The following ATP11A variants were observed in gnomAD, a reference collection of about 807,000 sequenced individuals.
The protein encoded by ATP11A is phospholipid-transporting ATPase IH.
A neutral mutation model predicts 154.4 loss-of-function variants in ATP11A; 81 were observed. That is an observed-to-expected ratio of 0.52 (90% confidence interval 0.44 to 0.63). The LOEUF (loss-of-function observed/expected upper bound fraction) is 0.63, where lower values mean the gene tolerates loss of function less well. ATP11A is among the 30% of genes least tolerant of loss of function. The pLI is 0.00. For missense variants in ATP11A, 1,316 were observed against 1,474.3 expected, an observed-to-expected ratio of 0.89 and a Z score of 1.76; for synonymous variants, 623 against 585.9, an observed-to-expected ratio of 1.06 and a Z score of -0.91.
At chr13:112,878,467 A>G (rs2080795830) in intron 29 of ATP11A, 164 bp downstream of exon 29, 3 of 660,802 alleles carry the variant, frequency 4.5e-6, no homozygotes, top group African/African-American at 1.8e-5. Flanking sequence ...ACACCTTCTC[A>G]TGCACAGACT....
At position 112,867,205 on chromosome 13, in the gene ATP11A, C is replaced by CCT. The variant is rs540117972; in HGVS notation, c.2992-4529_2992-4528dup. Among the ~76,000 whole-genome samples the CCT allele has an allele frequency of 4.4e-3, 668 of 152,308 alleles. 5 individuals carry two copies. Among genetic ancestry groups the CCT allele is most frequent in the Non-Finnish European group, 7.9e-3 (535 of 68,024 alleles). ...CACCACCCTGGTTCACTACAACCAC[C>CCT]CTATCAGCTGGACGTTCAGATCATG... On this transcript the variant is annotated intron_variant, in intron 25 of 29. Transcript: ENST00000375645.
At chr13:112,826,208 C>T (rs753350194) in intron 11 of ATP11A, among the ~76,000 whole-genome samples, 150 of 152,334 alleles carry the variant, frequency 9.8e-4, no homozygotes, top group Non-Finnish European at 1.8e-3. Context: ...CCGTCCAGAG[C>T]GGGGCTATCT....
chr13:112,842,506 G>A (rs1425227780), intron 17 of ATP11A, 127 bp downstream of exon 17: 1 of 809,058 alleles, frequency 1.2e-6, no homozygotes, highest in Non-Finnish European at 2.0e-6. Flanking sequence ...TTAGAAATCA[G>A]CTGGGCCAGA....
intron 1 of ATP11A, among the ~76,000 whole-genome samples, chr13:112,756,852 G>T (rs28584676): frequency 6.6e-6 from 1 of 150,952 alleles, no homozygotes; most frequent in African/African-American, 2.5e-5. Flanking sequence ...TCCCAGCGCG[G>T]GGTCTGCTCC....
chr13:112,828,230 GGGAAAGCACCTAGCAGTATGGAGTGGGA>G (rs2078992282), intron 12 of ATP11A, among the ~76,000 whole-genome samples: 1 of 148,920 alleles, frequency 6.7e-6, no homozygotes, highest in Non-Finnish European at 1.5e-5. Flanking sequence ...TTGAGTGCAG[GGGAAAGCACCTAGCAGTATGGAGTGGGA>G]GGAAAGCACC....
Position 112,807,850 on chromosome 13 carries a change from G to A in ATP11A, c.333+1557G>A, listed in dbSNP as rs1273482516. Among the ~76,000 whole-genome samples the A allele has an allele frequency of 1.3e-5, 2 of 152,136 alleles. No individual in the cohort carries two copies. Among genetic ancestry groups the A allele is most frequent in the East Asian group, 1.9e-4 (1 of 5,192 alleles). On this transcript the variant is annotated intron_variant, in intron 4 of 29. Transcript: ENST00000375645. This position sits in a 1 kb window ranked among gnomAD's most constrained non-coding sequence, Gnocchi z 4.5. The stretch of plus-strand genomic sequence containing the variant: ...CAAGGGGAGCAGAGAGAAGGGGCGC[G>A]GGGGTGCAGAACAAGGGGCTGAGGC...
chr13:112,787,017 G>A, intron 2 of ATP11A, among the ~76,000 whole-genome samples: 1 of 149,054 alleles, frequency 6.7e-6, no homozygotes, highest in Admixed American at 6.6e-5. Flanking sequence ...CACACCGGGT[G>A]TCCTGATGCG....
At position 112,826,754 on chromosome 13, in the gene ATP11A, G is replaced by C. The variant is rs2078944658; in HGVS notation, c.1084G>C (p.Val362Leu). ...FMVLFNYIIP[V>L]SMYVTVEMQK... is the part of the protein sequence containing the mutation. ...GGTCCTCTTTAACTACATCATCCCT[G>C]TGTCCATGTACGTCACGGTCGAGAT... The change falls in exon 12 of 30, where the codon GTG (valine) becomes CTG (leucine). Residue 362 changes from valine to leucine, a missense_variant. Val to Leu is a conservative substitution (Grantham distance 32, BLOSUM62 1). Coordinates refer to ENST00000375645, the MANE Select transcript of ATP11A (RefSeq NM_015205.3). 1 of 1,614,058 alleles carries C rather than the reference G, an allele frequency of 6.2e-7. No individual in the cohort carries two copies. The highest frequency in any genetic ancestry group is 1.3e-5 in the African/African-American group (1 of 74,908).
chr13:112,724,221 C>T (rs1889563326), intron 1 of ATP11A, among the ~76,000 whole-genome samples: 1 of 150,442 alleles, frequency 6.6e-6, no homozygotes, highest in South Asian at 2.1e-4. Context: ...TCCGACACTG[C>T]ATGCCCTGAG....
intron 1 of ATP11A, among the ~76,000 whole-genome samples, chr13:112,752,420 C>T (rs1039232944): frequency 6.6e-6 from 1 of 152,212 alleles, no homozygotes; most frequent in Non-Finnish European, 1.5e-5. Context: ...GAGAGTGCAG[C>T]TCAGGAGAAT....
Position 112,875,472 on chromosome 13 carries a change from C to T in ATP11A, c.3162-304C>T, listed in dbSNP as rs902213075. ...GATAGAAAAACATCCCTATTTCAAT[C>T]CCTTTGTGTTTTGTTTTTTGTTTTT... On this transcript the variant is annotated intron_variant, in intron 27 of 29. Coordinates refer to ENST00000375645, the MANE Select transcript of ATP11A (RefSeq NM_015205.3). The surrounding 1 kb of genome is among the most constrained non-coding windows in gnomAD (Gnocchi z 4.1). Among the ~76,000 whole-genome samples, 1 of 139,678 alleles carries T rather than the reference C, an allele frequency of 7.2e-6. No homozygotes were observed. The highest frequency in any genetic ancestry group is 2.7e-5 in the African/African-American group (1 of 36,978). The allele number at this position is 139,678 out of a possible 152,430, so 91.6% of individuals were successfully genotyped here.
chr13:112,774,478 A>G (rs1213902584), intron 1 of ATP11A, among the ~76,000 whole-genome samples: 1 of 152,194 alleles, frequency 6.6e-6, no homozygotes, highest in Non-Finnish European at 1.5e-5. Flanking sequence ...CATTCCAGCA[A>G]CTATTTTAAT....
Position 112,835,002 on chromosome 13 carries a change from C to T in ATP11A, c.1631+342C>T, listed in dbSNP as rs146756960. ...AGGCCGCGTTCTGACCTCTCCAGGCCCCTTTGCCTCCACGAGGGGAGTGAG... is the reference window on the plus strand; with the variant it reads ...AGGCCGCGTTCTGACCTCTCCAGGCTCCTTTGCCTCCACGAGGGGAGTGAG... On this transcript the variant is annotated intron_variant, in intron 15 of 29. Transcript: ENST00000375645. Among the ~76,000 whole-genome samples the T allele has an allele frequency of 1.7e-3, 257 of 152,364 alleles. 1 individual carries two copies. The highest frequency in any genetic ancestry group is 6.0e-3 in the African/African-American group (248 of 41,588).
intron 1 of ATP11A, among the ~76,000 whole-genome samples, chr13:112,737,825 G>C (rs565547287): frequency 6.6e-6 from 1 of 152,328 alleles, no homozygotes; most frequent in Admixed American, 6.5e-5. Context: ...TTTGCTGCCA[G>C]TGCTACAGCG....
In ATP11A at chr13:112,867,290, G is replaced by A. The variant is rs186613074; in HGVS notation, c.2992-4445G>A. 2.7e-4 allele frequency among the ~76,000 whole-genome samples: 41 copies of A among 152,358 alleles called. No individual in the cohort carries two copies. In the East Asian group the frequency reaches 4.8e-3, roughly 18 times the overall value. On this transcript the variant is annotated intron_variant, in intron 25 of 29. Coordinates refer to ENST00000375645, the MANE Select transcript of ATP11A (RefSeq NM_015205.3). Reference sequence around the variant, plus strand: ...GACACCCTGTGCGGTGTCAGCTCCCGAGAGGCAGGGCCTGGGTCATACCCG... The same window carrying A: ...GACACCCTGTGCGGTGTCAGCTCCCAAGAGGCAGGGCCTGGGTCATACCCG...
chr13:112,837,549 A>G lies in ATP11A; in HGVS notation c.1705+1298A>G, dbSNP rs1234459304. ...CTGTGCCGTTCAGAGCCCTCCACGC[A>G]GCGTCAGAGCAGGGCTTCATTAAGA... On this transcript the variant is annotated intron_variant, in intron 16 of 29. Coordinates refer to ENST00000375645, the MANE Select transcript of ATP11A (RefSeq NM_015205.3). Among the ~76,000 whole-genome samples, 3 of 152,192 alleles carry G rather than the reference A, an allele frequency of 2.0e-5. No homozygotes were observed. In the East Asian group the frequency reaches 5.8e-4, roughly 29 times the overall value.
rs763323630 is a variant in ATP11A, at chr13:112,859,494, T to G, written c.2727+42T>G. 6.5e-7 allele frequency: 1 copy of G among 1,548,398 alleles called. No homozygotes were observed. Among genetic ancestry groups the G allele is most frequent in the Non-Finnish European group, 8.9e-7 (1 of 1,120,560 alleles). ...TCAGGGACAGGCTGTCTGAGCCTTC[T>G]TTTCCTTCCCGCAGTGGGTGGCTGC... On this transcript the variant is annotated intron_variant, in intron 23 of 29. Transcript: ENST00000375645. The surrounding 1 kb of genome is among the most constrained non-coding windows in gnomAD (Gnocchi z 4.3).
chr13:112,885,445 C>G lies in ATP11A; in HGVS notation c.*3579C>G, dbSNP rs926330096. 9 of 152,216 alleles carry G rather than the reference C, an allele frequency of 5.9e-5. No homozygotes were observed. Among genetic ancestry groups the G allele is most frequent in the African/African-American group, 2.2e-4 (9 of 41,442 alleles). The allele number at this position is 152,216 out of a possible 1,614,324, so 9.4% of individuals were successfully genotyped here. A position where few individuals can be genotyped will look rare whatever the true frequency, so the allele number is the denominator to read the frequency against. ...ATGAGTTCCCAGACGTGTAAACACA[C>G]GTGCACACATCGTACACATGTGAGC... On this transcript the variant is annotated 3_prime_UTR_variant, in exon 30 of 30. Transcript: ENST00000375645.
intron 1 of ATP11A, among the ~76,000 whole-genome samples, chr13:112,762,374 T>G (rs2076982723): frequency 6.6e-6 from 1 of 152,140 alleles, no homozygotes; most frequent in Admixed American, 6.5e-5. Context: ...AGCTGGGACC[T>G]GAAAGGCCGC....
Sources: allele counts gnomAD v4.1 joint callset (sites outside exome capture counted in the v4.1 genomes callset), GRCh38; gene constraint gnomAD v4.1.1; non-coding constraint Gnocchi (gnomAD v3.1); transcripts MANE v1.5; gene names NCBI Gene and HGNC (gene_info 2026-07-23, HGNC 2026-07-21).